ATAD2: variants seen among roughly 807,000 people sequenced by gnomAD.
ATAD2 encodes ATPase family AAA domain containing 2, also known as ATPase family AAA domain-containing protein 2.
Under a neutral mutation model 168.9 loss-of-function variants are expected in ATAD2, and 62 were observed. That is an observed-to-expected ratio of 0.37 (90% CI 0.30 to 0.45). The LOEUF is 0.45. Ranked by LOEUF, ATAD2 falls within the 20% of genes least tolerant of loss-of-function variation. The probability of loss-of-function intolerance (pLI) is 1.00; values close to 1 mark genes in which losing one functional copy is unlikely to be tolerated. For synonymous variants in ATAD2, 613 were observed against 571.6 expected (o/e 1.07, Z -1.03); for missense variants, 1,419 against 1,667.8 (o/e 0.85, Z 2.60).
At chr8:123,380,816 T>A in intron 1 of ATAD2, 139 bp from the exon 2 acceptor site, 1 of 736,462 alleles carries the variant, frequency 1.4e-6, no homozygotes, top group Non-Finnish European at 2.2e-6. Context: ...CCCAAGAAAC[T>A]ACAAGTTAGT....
intron 4 of ATAD2, 149 bp from the exon 5 acceptor site, chr8:123,371,487 A>T: frequency 2.3e-6 from 2 of 862,480 alleles, no homozygotes; most frequent in Non-Finnish European, 3.4e-6. Flanking sequence ...AAAATATTTT[A>T]AAATTTCTTT....
chr8:123,375,697 C>T (rs560674054), intron 2 of ATAD2, among the ~76,000 whole-genome samples: 24 of 152,278 alleles, frequency 1.6e-4, no homozygotes, highest in Middle Eastern at 6.8e-3. Context: ...CTGAGCCAGC[C>T]GCAGTGGCTC....
chr8:123,343,024 G>A (rs1432013876), intron 19 of ATAD2, among the ~76,000 whole-genome samples: 5 of 147,244 alleles, frequency 3.4e-5, no homozygotes, highest in Non-Finnish European at 3.0e-5. Flanking sequence ...TTGCTTTGTC[G>A]CCCCAGCTGG....
chr8:123,369,752 C>T (rs1416305963), intron 7 of ATAD2, 69 bp downstream of exon 7: 10 of 1,317,460 alleles, frequency 7.6e-6, no homozygotes, highest in Middle Eastern at 3.7e-4. Flanking sequence ...ACAAGAATAA[C>T]AGAGAAGAAA....
chr8:123,325,848 T>G, intron 26 of ATAD2, 45 bp downstream of exon 26: 1 of 1,599,652 alleles, frequency 6.3e-7, no homozygotes, highest in Non-Finnish European at 8.5e-7. Flanking sequence ...TGTTTGGGGA[T>G]TAGTAATCTG....
At chr8:123,345,506 CAAAAAAA>C (rs34282183) in intron 18 of ATAD2, among the ~76,000 whole-genome samples, 24 of 50,128 alleles carry the variant, frequency 4.8e-4, no homozygotes, top group African/African-American at 1.0e-3. Flanking sequence ...TATTAAAATA[CAAAAAAA>C]AAAAAAAAAA....
rs183221595 is a variant in ATAD2, at chr8:123,330,248, C to A, written c.3479-1669G>T. On this transcript the variant is annotated intron_variant, in intron 24 of 27. Transcript: ENST00000287394. ...CAAGCAATCCTACCACCTTAGCCTC[C>A]CAAAGTGCTGGGATTACAGACATGA... Among the ~76,000 whole-genome samples the A allele has an allele frequency of 2.6e-4, 39 of 152,196 alleles. 2 individuals carry two copies. In the East Asian group the frequency reaches 7.3e-3, roughly 29 times the overall value.
At chr8:123,378,988 G>C (rs548754879) in intron 2 of ATAD2, among the ~76,000 whole-genome samples, 19 of 151,992 alleles carry the variant, frequency 1.3e-4, no homozygotes, top group Admixed American at 8.5e-4. Flanking sequence ...TGTAGAGAGA[G>C]GGTCTCGTTA....
intron 1 of ATAD2, chr8:123,401,734 G>A: frequency 2.7e-6 from 2 of 747,466 alleles, no homozygotes; most frequent in South Asian, 1.4e-5. Context: ...TGGGCTCCCT[G>A]CTGGCTGCCA....
At chr8:123,352,930 C>T (rs1235768952) in intron 13 of ATAD2, among the ~76,000 whole-genome samples, 1 of 151,922 alleles carries the variant, frequency 6.6e-6, no homozygotes, top group Non-Finnish European at 1.5e-5. Flanking sequence ...CAAAACCCAG[C>T]TGAGTGTGGT....
chr8:123,354,555 G>A (rs1307864119), intron 13 of ATAD2, among the ~76,000 whole-genome samples: 1 of 151,480 alleles, frequency 6.6e-6, no homozygotes, highest in Non-Finnish European at 1.5e-5. Flanking sequence ...AAAATACAAA[G>A]AACAGGCTGG....
intron 16 of ATAD2, 107 bp from the exon 17 acceptor site, chr8:123,346,857 C>A: frequency 7.9e-7 from 1 of 1,272,226 alleles, no homozygotes; most frequent in African/African-American, 1.5e-5. Flanking sequence ...TTCAAAGAAT[C>A]AAAAATATTT....
intron 1 of ATAD2, among the ~76,000 whole-genome samples, chr8:123,406,982 C>T (rs907373613): frequency 2.6e-5 from 4 of 152,104 alleles, no homozygotes; most frequent in African/African-American, 9.7e-5. Context: ...AGATTATTCT[C>T]GTTTATGGTG....
At chr8:123,409,828 C>T (rs193036066) in intron 1 of ATAD2, among the ~76,000 whole-genome samples, 1 of 149,804 alleles carries the variant, frequency 6.7e-6, no homozygotes, top group Non-Finnish European at 1.5e-5. Context: ...CCCAGCTACT[C>T]GGGAGGCTGA....
chr8:123,392,791 T>G (rs943733052), intron 1 of ATAD2, among the ~76,000 whole-genome samples: 1 of 152,166 alleles, frequency 6.6e-6, no homozygotes, highest in Non-Finnish European at 1.5e-5. Flanking sequence ...TTATAAAGGA[T>G]GCAGGGATGC....
In ATAD2 at chr8:123,369,994, T is replaced by C. The variant is rs371982639; in HGVS notation, c.758A>G (p.His253Arg). ...ESSEEGEDQEHEDDGEDEDDE... is the reference protein window; with the variant it reads ...ESSEEGEDQEREDDGEDEDDE... ...ATCTTCATCTTCACCATCATCTTCA[T>C]GTTCTTGGTCTTCACCCTCTTCAGA... The change falls in exon 7 of 28, where the codon CAT becomes CGT. Residue 253 changes from histidine (H) to arginine (R), a missense_variant. His to Arg is a conservative substitution (Grantham distance 29). Coordinates refer to ENST00000287394, the MANE Select transcript of ATAD2 (RefSeq NM_014109.4). 1.4e-5 allele frequency: 22 copies of C among 1,594,700 alleles called. No individual in the cohort carries two copies. The African/African-American group carries it at 1.5e-4, about 11-fold the overall frequency.
rs150333063 is a variant in ATAD2 at position 123,357,232 on chromosome 8, C to T, written c.1557+330G>A. On this transcript the variant is annotated intron_variant, in intron 12 of 27. Coordinates refer to ENST00000287394, the MANE Select transcript of ATAD2 (RefSeq NM_014109.4). ...CTGGGATATGAAAATGAAAGCCGCT[C>T]CAGGGCAGAAATAGTCTTTAACTCC... 5.3e-5 allele frequency among the ~76,000 whole-genome samples: 8 copies of T among 152,276 alleles called. No individual in the cohort carries two copies. The East Asian group carries it at 1.5e-3, about 29-fold the overall frequency.
At position 123,331,980 on chromosome 8, in the gene ATAD2, A is replaced by C. The variant is rs150155739; in HGVS notation, c.3478+1898T>G. Among the ~76,000 whole-genome samples the C allele has an allele frequency of 2.1e-3, 322 of 152,330 alleles. 1 individual carries two copies. The highest frequency in any genetic ancestry group is 7.6e-3 in the African/African-American group (315 of 41,576). On this transcript the variant is annotated intron_variant, in intron 24 of 27. Transcript: ENST00000287394. ...AGTTGTGATTTAATACTGAGTCTTT[A>C]CATTTGTTTAAATTTCTCTTGACTG...
At chr8:123,390,573 T>C (rs914456957) in intron 1 of ATAD2, among the ~76,000 whole-genome samples, 1 of 152,232 alleles carries the variant, frequency 6.6e-6, no homozygotes, top group African/African-American at 2.4e-5. Flanking sequence ...TACTGTGTTA[T>C]GCTTTAAGTT....
Sources: allele counts gnomAD v4.1 joint callset (sites outside exome capture counted in the v4.1 genomes callset), GRCh38; gene constraint gnomAD v4.1.1; transcripts MANE v1.5; gene names NCBI Gene and HGNC (gene_info 2026-07-23, HGNC 2026-07-21).